The following PCDH11X variants were observed in gnomAD, a reference collection of about 807,000 sequenced individuals.
PCDH11X encodes the protein protocadherin 11 X-linked, also known as protocadherin-11 X-linked.
PCDH11X carries 18 observed loss-of-function variants against 53.3 expected under a neutral mutation model. The observed-to-expected ratio is 0.34, with a 90% CI of 0.23 to 0.50. The LOEUF is 0.50. Ranked by LOEUF, PCDH11X falls within the 20% of genes least tolerant of loss-of-function variation. PCDH11X has a pLI of 0.98. For synonymous variants in PCDH11X, 279 were observed against 393.3 expected, an observed-to-expected ratio of 0.71 and a Z score of 3.44; for missense variants, 570 against 1,032.4, an observed-to-expected ratio of 0.55 and a Z score of 6.14.
intron 5 of PCDH11X, among the ~76,000 whole-genome samples, chrX:91,843,293 G>A (rs927609121): frequency 1.9e-5 from 2 of 107,903 alleles, no homozygotes; most frequent in African/African-American, 6.8e-5. Context: ...GTGTGTGTGT[G>A]TGTGTGTGTA....
At chrX:92,063,786 C>A (rs1344474463) in intron 6 of PCDH11X, among the ~76,000 whole-genome samples, 3 of 111,184 alleles carry the variant, frequency 2.7e-5, no homozygotes, top group Non-Finnish European at 1.9e-5. Context: ...ATTCAGTTGA[C>A]TGGCTTTGTT....
At position 92,556,432 on chromosome X, in the gene PCDH11X, A is replaced by T. The variant is rs1431575657; in HGVS notation, c.3368-61832A>T. ...GAAACTGGGTAATTCTATCTGTTCC[A>T]AGTGAGAGAAATTGGCAAAAACCAA... On this transcript the variant is annotated intron_variant, in intron 10 of 10. Coordinates refer to ENST00000682573, the MANE Select transcript of PCDH11X (RefSeq NM_032968.5). 3.4e-4 allele frequency among the ~76,000 whole-genome samples: 38 copies of T among 111,613 alleles called. 1 individual carries two copies. Among genetic ancestry groups the T allele is most frequent in the Middle Eastern group, 4.6e-3 (1 of 217 alleles).
rs1473819356 is a variant in PCDH11X at position 91,943,634 on chromosome X, G to A, written c.3033+64361G>A. ...CATCCATGTAAAACCTACAGCTAAC[G>A]TCATAATAATGGTGAAAAACAGAAT... On this transcript the variant is annotated intron_variant, in intron 6 of 10. Coordinates refer to ENST00000682573, the MANE Select transcript of PCDH11X (RefSeq NM_032968.5). 5.0e-5 allele frequency among the ~76,000 whole-genome samples: 5 copies of A among 100,043 alleles called. No homozygotes were observed. In the Admixed American group the frequency reaches 5.5e-4, roughly 11 times the overall value. 86.9% of individuals were successfully genotyped at this position (100,043 alleles called of 115,157 possible). A position where few individuals can be genotyped will look rare whatever the true frequency, so the allele number is the denominator to read the frequency against.
intron 1 of PCDH11X, among the ~76,000 whole-genome samples, chrX:91,789,190 G>A (rs1364759965): frequency 1.3e-5 from 1 of 74,657 alleles, no homozygotes; most frequent in African/African-American, 5.8e-5. Context: ...AACAGAGCAG[G>A]ACTCCGTCTC....
intron 6 of PCDH11X, among the ~76,000 whole-genome samples, chrX:92,110,324 A>G (rs1286707983): frequency 3.7e-5 from 4 of 108,651 alleles, no homozygotes; most frequent in Non-Finnish European, 5.7e-5. Context: ...AATATAGACA[A>G]GATACCTAAA....
intron 6 of PCDH11X, among the ~76,000 whole-genome samples, chrX:92,160,815 A>C (rs113508901): frequency 0.056 from 6,038 of 108,668 alleles, 442 homozygotes; most frequent in African/African-American, 0.19. Context: ...TTCCCTTTTC[A>C]CTGCATCCAT....
intron 5 of PCDH11X, among the ~76,000 whole-genome samples, chrX:91,836,636 T>C (rs1429284391): frequency 9.0e-6 from 1 of 111,444 alleles, no homozygotes; most frequent in Non-Finnish European, 1.9e-5. Context: ...TAGTCAATAT[T>C]CTGTTAATGT....
At chrX:92,205,412 G>A (rs1302293420) in intron 7 of PCDH11X, among the ~76,000 whole-genome samples, 5 of 110,359 alleles carry the variant, frequency 4.5e-5, no homozygotes, top group East Asian at 2.8e-4. Flanking sequence ...TTAAGAAACC[G>A]TTGCAGTCGT....
At chrX:91,997,371 A>C (rs1259576403) in intron 6 of PCDH11X, among the ~76,000 whole-genome samples, 1 of 111,457 alleles carries the variant, frequency 9.0e-6, no homozygotes, top group Non-Finnish European at 1.9e-5. Context: ...GATTCTTATT[A>C]TGTTATGTTG....
intron 8 of PCDH11X, among the ~76,000 whole-genome samples, chrX:92,366,915 G>C (rs1366303762): frequency 2.7e-5 from 3 of 110,280 alleles, no homozygotes; most frequent in Non-Finnish European, 3.8e-5. Context: ...ACTTCCAATT[G>C]TGTGGTCAGT....
At position 92,344,002 on chromosome X, in the gene PCDH11X, T is replaced by A. The variant is rs768608424; in HGVS notation, c.3145-43733T>A. Among the ~76,000 whole-genome samples, 3 of 110,259 alleles carry A rather than the reference T, an allele frequency of 2.7e-5. No homozygotes were observed. In the South Asian group the frequency reaches 1.2e-3, roughly 43 times the overall value. ...GCCCCTGTCTCCTAAGTTCTTTGGG[T>A]CCTCAAGTTTTGGCACATTATTCTA... On this transcript the variant is annotated intron_variant, in intron 8 of 10. Transcript: ENST00000682573.
At chrX:92,205,120 C>T (rs1454504782) in intron 7 of PCDH11X, among the ~76,000 whole-genome samples, 1 of 111,732 alleles carries the variant, frequency 8.9e-6, no homozygotes, top group Non-Finnish European at 1.9e-5. Context: ...AACTAAGTTC[C>T]TCCAACAGTT....
intron 6 of PCDH11X, among the ~76,000 whole-genome samples, chrX:92,200,797 G>A (rs868433773): frequency 8.9e-5 from 10 of 112,330 alleles, no homozygotes; most frequent in South Asian, 7.3e-4. Context: ...CACATATATA[G>A]CCCTTGAAGC....
chrX:92,150,208 T>C (rs776753353), intron 6 of PCDH11X, among the ~76,000 whole-genome samples: 1 of 112,037 alleles, frequency 8.9e-6, no homozygotes, highest in East Asian at 2.8e-4. Context: ...AAATTTTGCA[T>C]TCTCACCATC....
intron 6 of PCDH11X, among the ~76,000 whole-genome samples, chrX:92,063,740 C>T (rs893621627): frequency 5.4e-5 from 6 of 111,454 alleles, no homozygotes; most frequent in Non-Finnish European, 1.1e-4. Flanking sequence ...GTTTCTTCTT[C>T]GATGGCTTTG....
At chrX:92,396,844 CAA>C (rs559098629) in intron 9 of PCDH11X, among the ~76,000 whole-genome samples, 30 of 27,907 alleles carry the variant, frequency 1.1e-3, no homozygotes, top group East Asian at 7.9e-3. Flanking sequence ...GACTCTGTCT[CAA>C]AAAAAAAAAA....
chrX:91,853,843 A>G (rs1346465154), intron 5 of PCDH11X, among the ~76,000 whole-genome samples: 1 of 110,771 alleles, frequency 9.0e-6, no homozygotes, highest in Non-Finnish European at 1.9e-5. Flanking sequence ...TTTTTAATGT[A>G]TTTACTTTTT....
intron 4 of PCDH11X, among the ~76,000 whole-genome samples, chrX:91,830,806 T>G (rs1177773641): frequency 9.0e-6 from 1 of 111,576 alleles, no homozygotes; most frequent in African/African-American, 3.3e-5. Context: ...CTTATCTTCA[T>G]GTAATACTTA....
intron 6 of PCDH11X, among the ~76,000 whole-genome samples, chrX:92,156,196 C>A (rs1483330195): frequency 9.3e-6 from 1 of 107,528 alleles, no homozygotes; most frequent in Non-Finnish European, 1.9e-5. Context: ...TAAGAGGGCA[C>A]AACCTGCACC....
Sources: gnomAD v4.1 joint callset for allele counts (sites outside exome capture counted in the v4.1 genomes callset) on GRCh38, gnomAD v4.1.1 for gene constraint, MANE v1.5 for transcripts, NCBI Gene and HGNC (gene_info 2026-07-23, HGNC 2026-07-21) for gene names.